RSBN1: variants seen among roughly 807,000 people sequenced by gnomAD.
RSBN1 encodes lysine-specific demethylase 9.
Under a neutral mutation model 74.8 loss-of-function variants are expected in RSBN1, and 23 were observed. The observed-to-expected ratio is 0.31, with a 90% CI of 0.22 to 0.44. The LOEUF (loss-of-function observed/expected upper bound fraction) is 0.44. Among genes scored for constraint, RSBN1 ranks in the 20% least tolerant of loss-of-function variants. The pLI is 1.00. For missense variants in RSBN1, 808 were observed against 1,020.9 expected (o/e 0.79, Z 2.84); for synonymous variants, 407 against 379.6 (o/e 1.07, Z -0.84).
rs890563917 is a variant in RSBN1 at position 113,793,682 on chromosome 1, T to C, written c.1377+3681A>G. Among the ~76,000 whole-genome samples, 36 of 152,198 alleles carry C rather than the reference T, an allele frequency of 2.4e-4. 1 individual carries two copies. The highest frequency in any genetic ancestry group is 8.7e-4 in the African/African-American group (36 of 41,534). On this transcript the variant is annotated intron_variant, in intron 2 of 6. Coordinates refer to ENST00000261441, the MANE Select transcript of RSBN1 (RefSeq NM_018364.5). ...ACATTCAATTCCTAAGAGTTCTTTT[T>C]TTTTTTTTCTTTTTTTCTTTATTGA...
chr1:113,777,562 C>A, intron 3 of RSBN1, 109 bp downstream of exon 3: 1 of 1,115,592 alleles, frequency 9.0e-7, no homozygotes, highest in Non-Finnish European at 1.2e-6. Context: ...CTGTGCAAAA[C>A]ACTGGATAAA....
intron 5 of RSBN1, among the ~76,000 whole-genome samples, chr1:113,767,788 G>T (rs949160657): frequency 6.6e-6 from 1 of 152,186 alleles, no homozygotes; most frequent in Non-Finnish European, 1.5e-5. Context: ...TTATTATTCA[G>T]CCTAAAAAGG....
At chr1:113,779,190 A>T (rs1480992476) in intron 2 of RSBN1, among the ~76,000 whole-genome samples, 2 of 152,246 alleles carry the variant, frequency 1.3e-5, no homozygotes, top group African/African-American at 4.8e-5. Flanking sequence ...AAAAAAATTT[A>T]AAGAATCTAC....
Position 113,768,263 on chromosome 1 carries a change from C to T in RSBN1, c.1785G>A (p.Thr595=), listed in dbSNP as rs771170977. The change falls in exon 5 of 7, where the codon ACG becomes ACA. Residue 595 remains threonine, a synonymous_variant. Transcript: ENST00000261441. ...CAGCTTTCAAAACTCCAACAGCAGC[C>T]GTACTCTGCCAGTCAAACCCCTGAC... ...HVGQGFDWQS[T]AAVGVLKAVQ... 13 of 1,612,716 alleles carry T rather than the reference C, an allele frequency of 8.1e-6. No individual in the cohort carries two copies. Among genetic ancestry groups the T allele is most frequent in the Admixed American group, 1.7e-5 (1 of 59,716 alleles).
At chr1:113,809,974 T>C (rs1467084673) in intron 1 of RSBN1, among the ~76,000 whole-genome samples, 1 of 152,122 alleles carries the variant, frequency 6.6e-6, no homozygotes, top group African/African-American at 2.4e-5. Context: ...TTAAAGAACA[T>C]GGGGCCTGTG....
chr1:113,773,865 T>C (rs1659931550), intron 4 of RSBN1, among the ~76,000 whole-genome samples: 1 of 151,786 alleles, frequency 6.6e-6, no homozygotes, highest in Non-Finnish European at 1.5e-5. Flanking sequence ...TAGCTGGGCA[T>C]GGTGGTGCAT....
intron 2 of RSBN1, among the ~76,000 whole-genome samples, chr1:113,787,341 A>C (rs1660265224): frequency 6.6e-6 from 1 of 152,358 alleles, no homozygotes; most frequent in African/African-American, 2.4e-5. Flanking sequence ...AGAGAACAGA[A>C]GTAAAAACTA....
intron 2 of RSBN1, among the ~76,000 whole-genome samples, chr1:113,795,603 T>A (rs1660454904): frequency 6.6e-6 from 1 of 152,206 alleles, no homozygotes; most frequent in Non-Finnish European, 1.5e-5. Flanking sequence ...AATATTCTTA[T>A]GTGGTTGAAG....
chr1:113,799,921 A>T (rs1356197543), intron 1 of RSBN1, among the ~76,000 whole-genome samples: 1 of 152,166 alleles, frequency 6.6e-6, no homozygotes, highest in Non-Finnish European at 1.5e-5. Flanking sequence ...CATAGAATTT[A>T]CCCACCAAAC....
At chr1:113,768,614 ATATATCT>A (rs1659830653) in intron 4 of RSBN1, among the ~76,000 whole-genome samples, 1 of 152,184 alleles carries the variant, frequency 6.6e-6, no homozygotes, top group African/African-American at 2.4e-5. Context: ...AAAGCTGAAA[ATATATCT>A]TAGATTAGGC....
At chr1:113,781,594 A>T (rs2101802220) in intron 2 of RSBN1, among the ~76,000 whole-genome samples, 1 of 152,308 alleles carries the variant, frequency 6.6e-6, no homozygotes, top group Middle Eastern at 3.4e-3. Context: ...TCAGATTCAG[A>T]TCTTAACATA....
intron 2 of RSBN1, among the ~76,000 whole-genome samples, chr1:113,787,868 A>C (rs1051810300): frequency 6.6e-6 from 1 of 152,238 alleles, no homozygotes; most frequent in Admixed American, 6.5e-5. Context: ...AATCCCACCC[A>C]CGTGTTCACT....
intron 1 of RSBN1, 132 bp downstream of exon 1, chr1:113,811,578 C>T: frequency 7.4e-7 from 1 of 1,357,782 alleles, no homozygotes; most frequent in Non-Finnish European, 9.5e-7. Context: ...ATCCAGGGTC[C>T]ACCCCAGTGA....
intron 1 of RSBN1, among the ~76,000 whole-genome samples, chr1:113,806,407 G>A (rs1253835587): frequency 2.6e-5 from 4 of 151,858 alleles, no homozygotes; most frequent in Non-Finnish European, 5.9e-5. Context: ...CAATTCAATG[G>A]AAGATTAATC....
At chr1:113,805,093 A>G (rs1660676133) in intron 1 of RSBN1, among the ~76,000 whole-genome samples, 1 of 152,074 alleles carries the variant, frequency 6.6e-6, no homozygotes, top group East Asian at 1.9e-4. Context: ...ACTTCTTTTC[A>G]TGGATTTTTA....
At chr1:113,806,193 G>T (rs1378578524) in intron 1 of RSBN1, among the ~76,000 whole-genome samples, 1 of 151,934 alleles carries the variant, frequency 6.6e-6, no homozygotes, top group Non-Finnish European at 1.5e-5. Context: ...AAATTAGCTG[G>T]GTGTGGTGGT....
chr1:113,805,509 G>A (rs544133267), intron 1 of RSBN1, among the ~76,000 whole-genome samples: 30 of 152,254 alleles, frequency 2.0e-4, no homozygotes, highest in African/African-American at 7.0e-4. Flanking sequence ...AAATATCTCT[G>A]TTAAATAATC....
chr1:113,789,992 A>C (rs575756925), intron 2 of RSBN1, among the ~76,000 whole-genome samples: 1 of 151,822 alleles, frequency 6.6e-6, no homozygotes. Flanking sequence ...TTTTATGTTC[A>C]TTTGGTATTA....
intron 5 of RSBN1, 35 bp downstream of exon 5, chr1:113,768,187 T>C (rs1165353843): frequency 1.3e-6 from 2 of 1,560,252 alleles, no homozygotes; most frequent in South Asian, 1.2e-5. Context: ...TTATACAATA[T>C]TAACCAACCT....
Sources: allele counts gnomAD v4.1 joint callset (sites outside exome capture counted in the v4.1 genomes callset), GRCh38; gene constraint gnomAD v4.1.1; transcripts MANE v1.5; gene names NCBI Gene and HGNC (gene_info 2026-07-23, HGNC 2026-07-21).